SFMBT1: variants seen among roughly 807,000 people sequenced by gnomAD.
The protein encoded by SFMBT1 is scm-like with four MBT domains protein 1.
A neutral mutation model predicts 108.7 loss-of-function variants in SFMBT1; 32 were observed. That is an observed-to-expected ratio of 0.29 (90% CI 0.22 to 0.40). SFMBT1 has a LOEUF of 0.40. SFMBT1 is among the 10% of genes least tolerant of loss of function. The probability of loss-of-function intolerance (pLI) is 1.00; values close to 1 mark genes in which losing one functional copy is unlikely to be tolerated. For missense variants in SFMBT1, 816 were observed against 1,059.6 expected (o/e 0.77, Z 3.19); for synonymous variants, 348 against 369.5 (o/e 0.94, Z 0.67).
intron 4 of SFMBT1, among the ~76,000 whole-genome samples, chr3:52,935,619 GAAAAT>G (rs942036452): frequency 6.6e-6 from 1 of 151,970 alleles, no homozygotes; most frequent in Non-Finnish European, 1.5e-5. Context: ...ATTTCTAAAA[GAAAAT>G]ATTTTCTTAC....
chr3:52,931,685 C>T (rs1366803392), intron 6 of SFMBT1, among the ~76,000 whole-genome samples: 2 of 151,952 alleles, frequency 1.3e-5, no homozygotes, highest in Non-Finnish European at 2.9e-5. Context: ...ACTACAAATA[C>T]AAAAATTAGC....
At chr3:52,909,898 C>G (rs1702175605) in intron 17 of SFMBT1, among the ~76,000 whole-genome samples, 2 of 152,116 alleles carry the variant, frequency 1.3e-5, no homozygotes, top group Non-Finnish European at 2.9e-5. Flanking sequence ...GTTGCAACTA[C>G]CTCCTCTCCT....
chr3:52,991,361 T>TTTTTTTG (rs1705118670), intron 1 of SFMBT1, among the ~76,000 whole-genome samples: 1 of 147,392 alleles, frequency 6.8e-6, no homozygotes, highest in African/African-American at 2.6e-5. Context: ...TTTTTTTTTT[T>TTTTTTTG]GAGATGGAGT....
chr3:52,951,537 C>T lies in SFMBT1; in HGVS notation c.123+2780G>A, dbSNP rs183196774. ...GTTCAAGTGATTCTCCTGCCTCAGCCTCCTGAGTAGCTGGGATTACAGGTG... is the reference window on the plus strand; with the variant it reads ...GTTCAAGTGATTCTCCTGCCTCAGCTTCCTGAGTAGCTGGGATTACAGGTG... On this transcript the variant is annotated intron_variant, in intron 3 of 20. Transcript: ENST00000394752. 1.8e-3 allele frequency among the ~76,000 whole-genome samples: 266 copies of T among 150,402 alleles called. 1 individual carries two copies. The highest frequency in any genetic ancestry group is 6.2e-3 in the African/African-American group (256 of 41,046).
At chr3:52,995,279 T>C (rs990969418) in intron 1 of SFMBT1, among the ~76,000 whole-genome samples, 1 of 150,296 alleles carries the variant, frequency 6.7e-6, no homozygotes, top group African/African-American at 2.4e-5. Flanking sequence ...CCTTACCTCA[T>C]ACCATACATA....
chr3:52,977,460 G>T (rs551850780), intron 1 of SFMBT1, among the ~76,000 whole-genome samples: 1 of 152,014 alleles, frequency 6.6e-6, no homozygotes, highest in South Asian at 2.1e-4. Context: ...GCAGTGAAGC[G>T]CACCACTGCA....
intron 1 of SFMBT1, among the ~76,000 whole-genome samples, chr3:52,979,677 ATAT>A (rs1187818473): frequency 6.6e-6 from 1 of 152,254 alleles, no homozygotes; most frequent in Non-Finnish European, 1.5e-5. Context: ...ACCAGAACTT[ATAT>A]TAACAGTGAA....
intron 1 of SFMBT1, among the ~76,000 whole-genome samples, chr3:53,008,418 G>A (rs1481244040): frequency 6.6e-6 from 1 of 152,178 alleles, no homozygotes; most frequent in African/African-American, 2.4e-5. Context: ...TCTCCAAAAT[G>A]AAAGTAATGG....
chr3:52,925,991 A>G (rs770508996), intron 10 of SFMBT1, 40 bp downstream of exon 10: 1 of 1,418,514 alleles, frequency 7.0e-7, no homozygotes, highest in Admixed American at 2.8e-5. Flanking sequence ...CAGTCCCTGC[A>G]GCCCTGCCAT....
chr3:52,928,133 A>AT, intron 9 of SFMBT1, 58 bp downstream of exon 9: 1 of 1,577,162 alleles, frequency 6.3e-7, no homozygotes, highest in Non-Finnish European at 8.6e-7. Flanking sequence ...GCCATCTGAC[A>AT]TGTCTCATTT....
chr3:52,968,887 C>T (rs1407835362), intron 2 of SFMBT1, among the ~76,000 whole-genome samples: 1 of 152,098 alleles, frequency 6.6e-6, no homozygotes, highest in Non-Finnish European at 1.5e-5. Flanking sequence ...GCCACCGCGC[C>T]CGGCCTTGTT....
chr3:52,955,996 G>A (rs2106836293), intron 2 of SFMBT1, among the ~76,000 whole-genome samples: 1 of 152,284 alleles, frequency 6.6e-6, no homozygotes, highest in South Asian at 2.1e-4. Context: ...ACATCAGAAA[G>A]CTTATCTACC....
intron 4 of SFMBT1, among the ~76,000 whole-genome samples, chr3:52,941,589 G>A (rs1173618767): frequency 2.4e-3 from 31 of 12,858 alleles, no homozygotes; most frequent in African/African-American, 6.1e-3. Flanking sequence ...GTGAGACTCT[G>A]TTTCAAAAAA....
intron 1 of SFMBT1, among the ~76,000 whole-genome samples, chr3:53,036,204 G>A (rs555098618): frequency 1.3e-5 from 2 of 152,306 alleles, no homozygotes; most frequent in South Asian, 2.1e-4. Context: ...AGAGCCAGCC[G>A]CCAGTCCTGC....
At chr3:52,926,005 G>C (rs749151315) in intron 10 of SFMBT1, 26 bp downstream of exon 10, 1 of 1,597,260 alleles carries the variant, frequency 6.3e-7, no homozygotes, top group Admixed American at 1.8e-5. Flanking sequence ...CTGCCATAGT[G>C]GCCATGAGGC....
At chr3:52,991,396 G>A (rs1705122985) in intron 1 of SFMBT1, among the ~76,000 whole-genome samples, 1 of 141,050 alleles carries the variant, frequency 7.1e-6, no homozygotes, top group African/African-American at 2.6e-5. Flanking sequence ...ATAGGCTGCA[G>A]TGCAGTGGCA....
chr3:53,035,766 T>C (rs1699850345), intron 1 of SFMBT1, among the ~76,000 whole-genome samples: 1 of 152,152 alleles, frequency 6.6e-6, no homozygotes, highest in South Asian at 2.1e-4. Flanking sequence ...CCAGCTAATT[T>C]TTTATTAAAA....
At chr3:52,961,735 GC>G (rs1364918372) in intron 2 of SFMBT1, among the ~76,000 whole-genome samples, 2 of 152,182 alleles carry the variant, frequency 1.3e-5, no homozygotes, top group Non-Finnish European at 2.9e-5. Flanking sequence ...AGAAATACAA[GC>G]CAATAATAAA....
chr3:52,907,592 G>A lies in SFMBT1; in HGVS notation c.2048C>T (p.Ser683Phe), dbSNP rs760345758. ...NVFVHKKKRSSASVDNTPAGS... is the reference protein window; with the variant it reads ...NVFVHKKKRSFASVDNTPAGS... The stretch of plus-strand genomic sequence containing the variant: ...CGCTGGGGTATTATCAACAGATGCA[G>A]AGGAGCGTTTCTTCTTATGAACAAA... Residue 683 changes from serine to phenylalanine, a missense_variant, in exon 18 of 21, where the codon TCT becomes TTT. Physicochemically the swap from Ser to Phe is radical, Grantham distance 155. This residue lies in a region of SFMBT1 where 177 missense variants were observed against 182.0 expected (regional missense o/e 0.97). Coordinates refer to ENST00000394752, the MANE Select transcript of SFMBT1 (RefSeq NM_016329.4). 5.0e-6 allele frequency: 8 copies of A among 1,614,054 alleles called. No homozygotes were observed. The highest frequency in any genetic ancestry group is 5.9e-6 in the Non-Finnish European group (7 of 1,180,004).
Sources: allele counts gnomAD v4.1 joint callset (sites outside exome capture counted in the v4.1 genomes callset), GRCh38; gene constraint gnomAD v4.1.1; regional missense constraint gnomAD v4.1.1; transcripts MANE v1.5; gene names NCBI Gene and HGNC (gene_info 2026-07-23, HGNC 2026-07-21).